The following TAFA2 variants were observed in gnomAD, a reference collection of about 807,000 sequenced individuals.
TAFA2 encodes the protein TAFA chemokine like family member 2.
In TAFA2, 7 loss-of-function variants were observed where a neutral mutation model predicts 18.8. The ratio of observed to expected loss-of-function variants is 0.37; its 90% CI spans 0.21 to 0.70. The LOEUF (loss-of-function observed/expected upper bound fraction) is 0.70, where lower values mean the gene tolerates loss of function less well. Ranked by LOEUF, TAFA2 falls within the 30% of genes least tolerant of loss-of-function variation. TAFA2 has a pLI of 0.53. For missense variants in TAFA2, 122 were observed against 158.1 expected, an observed-to-expected ratio of 0.77 and a Z score of 1.23; for synonymous variants, 60 against 54.2, an observed-to-expected ratio of 1.11 and a Z score of -0.47.
intron 4 of TAFA2, among the ~76,000 whole-genome samples, chr12:61,729,423 AT>A (rs1270807423): frequency 2.0e-5 from 3 of 151,556 alleles, no homozygotes; most frequent in African/African-American, 7.2e-5. Context: ...AATTTTTTAA[AT>A]TTTTTTCTTT....
At chr12:62,014,017 GAT>G (rs1172440203) in intron 1 of TAFA2, among the ~76,000 whole-genome samples, 1 of 152,070 alleles carries the variant, frequency 6.6e-6, no homozygotes, top group Non-Finnish European at 1.5e-5. Flanking sequence ...TTAAATACTT[GAT>G]ATCTGACTGT....
At chr12:62,145,857 C>T (rs1041622450) in intron 1 of TAFA2, among the ~76,000 whole-genome samples, 1 of 152,220 alleles carries the variant, frequency 6.6e-6, no homozygotes, top group African/African-American at 2.4e-5. Flanking sequence ...GCTATCAACT[C>T]CTATCCCAAG....
chr12:61,845,575 AG>A lies in TAFA2; in HGVS notation c.106+21744del, dbSNP rs757973468. 4.5e-4 allele frequency among the ~76,000 whole-genome samples: 68 copies of A among 152,290 alleles called. 1 individual carries two copies. The Middle Eastern group carries it at 0.01, about 23-fold the overall frequency. On this transcript the variant is annotated intron_variant, in intron 2 of 4. Coordinates refer to ENST00000416284, the MANE Select transcript of TAFA2 (RefSeq NM_178539.5). Reference sequence around the variant, plus strand: ...TTTAACACAGAAATTTTCCCTATGAAGAGTTGGTATTAGGTCTTTGAGAGAA... The same window carrying A: ...TTTAACACAGAAATTTTCCCTATGAAAGTTGGTATTAGGTCTTTGAGAGAA...
intron 1 of TAFA2, among the ~76,000 whole-genome samples, chr12:61,901,765 C>T (rs992932979): frequency 1.3e-5 from 2 of 152,136 alleles, no homozygotes; most frequent in Admixed American, 6.5e-5. Context: ...ATCTGTCTCA[C>T]ACAACATCGG....
intron 2 of TAFA2, among the ~76,000 whole-genome samples, chr12:61,821,257 T>C (rs930989624): frequency 1.3e-5 from 2 of 152,004 alleles, no homozygotes; most frequent in African/African-American, 4.8e-5. Context: ...AAATACTTCA[T>C]ACTGATGATT....
chr12:61,980,561 T>C (rs1483259506), intron 1 of TAFA2, among the ~76,000 whole-genome samples: 1 of 152,152 alleles, frequency 6.6e-6, no homozygotes, highest in East Asian at 1.9e-4. Context: ...GAAAAACCCA[T>C]CGTCTCAGCC....
intron 1 of TAFA2, among the ~76,000 whole-genome samples, chr12:61,985,861 G>A (rs190771449): frequency 1.3e-5 from 2 of 152,282 alleles, no homozygotes. Flanking sequence ...GCTATATTTA[G>A]ATGTGAAATA....
chr12:62,217,114 T>C (rs891286638), intron 1 of TAFA2, among the ~76,000 whole-genome samples: 1 of 152,222 alleles, frequency 6.6e-6, no homozygotes, highest in African/African-American at 2.4e-5. Flanking sequence ...ATGTTTAACA[T>C]ATTACATATT....
intron 1 of TAFA2, among the ~76,000 whole-genome samples, chr12:61,912,539 T>A (rs11174237): frequency 2.0e-5 from 3 of 152,212 alleles, no homozygotes; most frequent in Admixed American, 2.0e-4. Context: ...AATCATTTTT[T>A]AAAAAATTTA....
chr12:62,120,422 C>T lies in TAFA2; in HGVS notation c.-2+70837G>A, dbSNP rs543292574. ...AATTTAAAATAGAAGCAGTCAATAG[C>T]GGTAAAATTTTTAAACAACATCCAT... On this transcript the variant is annotated intron_variant, in intron 1 of 4. Transcript: ENST00000416284. 5.3e-5 allele frequency among the ~76,000 whole-genome samples: 8 copies of T among 152,188 alleles called. No individual in the cohort carries two copies. In the South Asian group the frequency reaches 8.3e-4, roughly 16 times the overall value.
intron 1 of TAFA2, among the ~76,000 whole-genome samples, chr12:62,126,825 A>G (rs1483064100): frequency 6.6e-6 from 1 of 152,068 alleles, no homozygotes; most frequent in Non-Finnish European, 1.5e-5. Flanking sequence ...TTAGCTAACA[A>G]TTTTACAATT....
At chr12:61,796,454 A>G (rs1871193807) in intron 2 of TAFA2, among the ~76,000 whole-genome samples, 1 of 152,136 alleles carries the variant, frequency 6.6e-6, no homozygotes, top group African/African-American at 2.4e-5. Context: ...TTTGCATGAA[A>G]TTCTTTTAAA....
chr12:61,746,609 C>G (rs1485621375), intron 4 of TAFA2, among the ~76,000 whole-genome samples: 1 of 152,076 alleles, frequency 6.6e-6, no homozygotes, highest in Non-Finnish European at 1.5e-5. Context: ...CTACACTGTG[C>G]CTGGACATCT....
At chr12:61,902,091 T>TAAAAAAAAAAAAAAAAAAA (rs750989820) in intron 1 of TAFA2, among the ~76,000 whole-genome samples, 1 of 116,468 alleles carries the variant, frequency 8.6e-6, no homozygotes, top group Non-Finnish European at 1.7e-5. Flanking sequence ...GCAGGAATGT[T>TAAAAAAAAAAAAAAAAAAA]AAAAAAAAAA....
intron 2 of TAFA2, among the ~76,000 whole-genome samples, chr12:61,810,696 T>C (rs1039906565): frequency 2.6e-5 from 4 of 151,268 alleles, no homozygotes; most frequent in African/African-American, 9.9e-5. Flanking sequence ...GGTCATGTGA[T>C]TAATTTCAGG....
intron 1 of TAFA2, among the ~76,000 whole-genome samples, chr12:62,027,738 G>C (rs1198622462): frequency 1.3e-5 from 2 of 152,040 alleles, no homozygotes; most frequent in African/African-American, 4.8e-5. Flanking sequence ...TTCCCTTTTA[G>C]AGATGAGAAA....
At chr12:62,051,888 A>T (rs765814038) in intron 1 of TAFA2, among the ~76,000 whole-genome samples, 3 of 152,166 alleles carry the variant, frequency 2.0e-5, no homozygotes, top group Non-Finnish European at 2.9e-5. Flanking sequence ...TGGGCCAGAT[A>T]GTAAATATTT....
chr12:61,786,361 G>C (rs1278888261), intron 2 of TAFA2, among the ~76,000 whole-genome samples: 1 of 151,494 alleles, frequency 6.6e-6, no homozygotes, highest in Non-Finnish European at 1.5e-5. Context: ...CCAGAACAAA[G>C]TTTGACAACA....
chr12:61,782,610 G>A (rs1870553275), intron 2 of TAFA2, among the ~76,000 whole-genome samples: 1 of 151,680 alleles, frequency 6.6e-6, no homozygotes, highest in Non-Finnish European at 1.5e-5. Context: ...GCTATGTCAT[G>A]AGCCATTGTT....
Sources: allele counts gnomAD v4.1 joint callset (sites outside exome capture counted in the v4.1 genomes callset), GRCh38; gene constraint gnomAD v4.1.1; transcripts MANE v1.5; gene names NCBI Gene and HGNC (gene_info 2026-07-23, HGNC 2026-07-21).